GTF2IRD1: variants seen among roughly 807,000 people sequenced by gnomAD.
GTF2IRD1 encodes the protein GTF2I repeat domain containing 1, also known as general transcription factor II-I repeat domain-containing protein 1.
Under a neutral mutation model 113.2 loss-of-function variants are expected in GTF2IRD1, and 26 were observed. The ratio of observed to expected loss-of-function variants is 0.23; its 90% confidence interval spans 0.17 to 0.32. The LOEUF is 0.32. Among genes scored for constraint, GTF2IRD1 ranks in the 10% least tolerant of loss-of-function variants. The pLI, the probability that GTF2IRD1 is intolerant of heterozygous loss-of-function variation, is 1.00. For synonymous variants in GTF2IRD1, 484 were observed against 529.1 expected, an observed-to-expected ratio of 0.91 and a Z score of 1.17; for missense variants, 864 against 1,280.8, an observed-to-expected ratio of 0.67 and a Z score of 4.97.
At chr7:74,601,527 C>T (rs1802770014) in intron 26 of GTF2IRD1, 1 of 1,388,790 alleles carries the variant, frequency 7.2e-7, no homozygotes, top group African/African-American at 1.5e-5. Flanking sequence ...AATCCCAGCA[C>T]TTTGGCAGGT....
intron 1 of GTF2IRD1, among the ~76,000 whole-genome samples, chr7:74,492,011 G>GTTTTT (rs1283588246): frequency 6.6e-6 from 1 of 151,878 alleles, no homozygotes; most frequent in Non-Finnish European, 1.5e-5. Context: ...TTTTGTTTTT[G>GTTTTT]TTTTTGTTTT....
chr7:74,560,801 A>T (rs1799909390), intron 22 of GTF2IRD1, among the ~76,000 whole-genome samples: 1 of 151,736 alleles, frequency 6.6e-6, no homozygotes, highest in Admixed American at 6.6e-5. Flanking sequence ...GGCTGGTCTC[A>T]AACTCCTGGC....
At position 74,558,083 on chromosome 7, in the gene GTF2IRD1, G is replaced by A. The variant is rs1583881637; in HGVS notation, c.2107+361G>A. ...GAGCTCAGGAGTTCGAGGCCAGCCT[G>A]GGCAACATGGCAAAACCCCATCTCT... On this transcript the variant is annotated intron_variant, in intron 20 of 26. Coordinates refer to ENST00000424337, the MANE Select transcript of GTF2IRD1 (RefSeq NM_005685.4). Among the ~76,000 whole-genome samples, 5 of 151,896 alleles carry A rather than the reference G, an allele frequency of 3.3e-5. No homozygotes were observed. In the East Asian group the frequency reaches 9.6e-4, roughly 29 times the overall value.
chr7:74,465,596 AAC>A (rs1357845065), intron 1 of GTF2IRD1, among the ~76,000 whole-genome samples: 3 of 152,124 alleles, frequency 2.0e-5, no homozygotes, highest in Middle Eastern at 3.2e-3. Context: ...CTCAGTGAAG[AAC>A]ACTTTGTCAG....
At chr7:74,552,206 G>A (rs1458507415) in intron 17 of GTF2IRD1, among the ~76,000 whole-genome samples, 1 of 151,994 alleles carries the variant, frequency 6.6e-6, no homozygotes, top group Non-Finnish European at 1.5e-5. Context: ...GCAACATGGT[G>A]AGACCCTATC....
intron 3 of GTF2IRD1, among the ~76,000 whole-genome samples, chr7:74,515,056 CAAAAAAAAA>C (rs782246030): frequency 3.0e-5 from 2 of 66,796 alleles, no homozygotes; most frequent in Non-Finnish European, 5.9e-5. Flanking sequence ...GACTCTGTCT[CAAAAAAAAA>C]AAAAAAAAAA....
chr7:74,533,769 C>T lies in GTF2IRD1; in HGVS notation c.1275-1344C>T, dbSNP rs1798114839. Among the ~76,000 whole-genome samples, 3 of 152,256 alleles carry T rather than the reference C, an allele frequency of 2.0e-5. No homozygotes were observed. The South Asian group carries it at 6.2e-4, about 32-fold the overall frequency. On this transcript the variant is annotated intron_variant, in intron 9 of 26. Transcript: ENST00000424337. ...TCCCACAAGGCCAGGCACAGTGGCT[C>T]TTGTCTGTAATCCCAGCGCTCTGGG... is the stretch of plus-strand genomic sequence containing the variant.
intron 9 of GTF2IRD1, among the ~76,000 whole-genome samples, chr7:74,531,699 G>A (rs1367588267): frequency 1.3e-5 from 2 of 151,742 alleles, no homozygotes; most frequent in Admixed American, 1.3e-4. Flanking sequence ...CCTGGCCAAC[G>A]TAGCAAGACC....
At chr7:74,526,069 T>A (rs1797578196) in intron 8 of GTF2IRD1, among the ~76,000 whole-genome samples, 1 of 152,130 alleles carries the variant, frequency 6.6e-6, no homozygotes, top group Non-Finnish European at 1.5e-5. Context: ...CACCTGCCCC[T>A]GAGTCTCTCC....
At chr7:74,513,028 C>G (rs1014600081) in intron 3 of GTF2IRD1, 57 bp downstream of exon 3, 22 of 1,556,476 alleles carry the variant, frequency 1.4e-5, no homozygotes, top group Admixed American at 1.7e-5. Context: ...GGCAGGCGCT[C>G]TAGCCCATCT....
At chr7:74,597,432 G>A (rs1554372685) in intron 25 of GTF2IRD1, among the ~76,000 whole-genome samples, 2 of 143,706 alleles carry the variant, frequency 1.4e-5, no homozygotes, top group African/African-American at 5.2e-5. Context: ...TGCAACCTCC[G>A]CCTCCTGAGT....
chr7:74,541,292 A>G lies in GTF2IRD1; in HGVS notation c.1618+1324A>G, dbSNP rs372023483. ...TACTGCTTGAGGCCAGGAGTTCGAG[A>G]CCAGCCTGGGCAACATAGCAAGACT... On this transcript the variant is annotated intron_variant, in intron 14 of 26. Transcript: ENST00000424337. Among the ~76,000 whole-genome samples, 38 of 151,754 alleles carry G rather than the reference A, an allele frequency of 2.5e-4. 1 individual carries two copies. The highest frequency in any genetic ancestry group is 8.2e-4 in the African/African-American group (34 of 41,428).
chr7:74,519,803 G>A (rs2130272199), intron 6 of GTF2IRD1, 84 bp downstream of exon 6: 3 of 975,786 alleles, frequency 3.1e-6, no homozygotes, highest in Admixed American at 4.8e-5. Flanking sequence ...GGCAGGTCAG[G>A]ATGCCTGGGC....
intron 16 of GTF2IRD1, 93 bp downstream of exon 16, chr7:74,545,902 T>G: frequency 1.1e-6 from 1 of 894,270 alleles, no homozygotes; most frequent in Non-Finnish European, 1.9e-6. Context: ...CCCTTGCCTG[T>G]TCCCATCCCA....
intron 22 of GTF2IRD1, among the ~76,000 whole-genome samples, chr7:74,560,860 C>T (rs1554358837): frequency 1.3e-5 from 2 of 152,024 alleles, no homozygotes; most frequent in African/African-American, 4.8e-5. Flanking sequence ...GGATTACAGG[C>T]ATGAGCCACC....
At chr7:74,523,975 G>T (rs587739663) in intron 7 of GTF2IRD1, 96 bp from the exon 8 acceptor site, 9 of 820,370 alleles carry the variant, frequency 1.1e-5, no homozygotes, top group Non-Finnish European at 1.9e-5. Context: ...CCGGCCTCGG[G>T]GGCTCTGGGG....
intron 1 of GTF2IRD1, among the ~76,000 whole-genome samples, chr7:74,485,256 C>T (rs1265729629): frequency 2.0e-5 from 3 of 152,182 alleles, no homozygotes; most frequent in Admixed American, 6.5e-5. Flanking sequence ...GACACACTTT[C>T]CTCAATGGCC....
At chr7:74,577,277 G>A (rs1212258357) in intron 22 of GTF2IRD1, among the ~76,000 whole-genome samples, 2 of 152,112 alleles carry the variant, frequency 1.3e-5, no homozygotes, top group Non-Finnish European at 2.9e-5. Flanking sequence ...GGCCTCAAGC[G>A]ATCCACCCGC....
chr7:74,467,032 C>A (rs1554331012), intron 1 of GTF2IRD1, among the ~76,000 whole-genome samples: 2 of 151,270 alleles, frequency 1.3e-5, no homozygotes, highest in East Asian at 3.9e-4. Flanking sequence ...CTCACTGCAA[C>A]CTCCGCCTCA....
Sources: gnomAD v4.1 joint callset for allele counts (sites outside exome capture counted in the v4.1 genomes callset) on GRCh38, gnomAD v4.1.1 for gene constraint, MANE v1.5 for transcripts, NCBI Gene and HGNC (gene_info 2026-07-23, HGNC 2026-07-21) for gene names.